The following CDH12 variants were observed in gnomAD, a reference collection of about 807,000 sequenced individuals.
The protein encoded by CDH12 is cadherin 12.
In CDH12, 41 loss-of-function variants were observed where a neutral mutation model predicts 74.1. The observed-to-expected ratio is 0.55, with a 90% confidence interval of 0.43 to 0.72. The LOEUF (loss-of-function observed/expected upper bound fraction) is 0.72. Ranked by LOEUF, CDH12 falls within the 30% of genes least tolerant of loss-of-function variation. The probability of loss-of-function intolerance (pLI) is 0.00; values close to 1 mark genes in which losing one functional copy is unlikely to be tolerated. For missense variants in CDH12, 945 were observed against 977.2 expected, an observed-to-expected ratio of 0.97 and a Z score of 0.44; for synonymous variants, 399 against 355.0, an observed-to-expected ratio of 1.12 and a Z score of -1.39.
intron 8 of CDH12, among the ~76,000 whole-genome samples, chr5:21,818,243 T>C (rs1748170754): frequency 7.4e-6 from 1 of 135,468 alleles, no homozygotes; most frequent in Admixed American, 8.0e-5. Flanking sequence ...ACCATGGTGA[T>C]TCATTCGTTT....
chr5:22,674,402 G>A (rs906986551), intron 1 of CDH12, among the ~76,000 whole-genome samples: 8 of 152,150 alleles, frequency 5.3e-5, no homozygotes, highest in African/African-American at 1.9e-4. Flanking sequence ...CCATGATTGT[G>A]AGGCCTCCTC....
At chr5:21,862,566 T>A (rs577903552) in intron 6 of CDH12, among the ~76,000 whole-genome samples, 83 of 152,280 alleles carry the variant, frequency 5.5e-4, no homozygotes, top group African/African-American at 2.0e-3. Flanking sequence ...CTTCTTTCAA[T>A]CAATAAGTAT....
intron 3 of CDH12, among the ~76,000 whole-genome samples, chr5:22,285,122 C>T (rs1737078452): frequency 6.6e-6 from 1 of 152,044 alleles, no homozygotes; most frequent in Non-Finnish European, 1.5e-5. Flanking sequence ...TTAGTCTTTA[C>T]TCAAAGTGGG....
chr5:22,576,629 C>T (rs1407008448), intron 1 of CDH12, among the ~76,000 whole-genome samples: 1 of 152,084 alleles, frequency 6.6e-6, no homozygotes, highest in Non-Finnish European at 1.5e-5. Context: ...TAAGCAAATT[C>T]CTGAAGGCCA....
intron 6 of CDH12, among the ~76,000 whole-genome samples, chr5:21,869,458 TATC>T: frequency 6.6e-6 from 1 of 152,156 alleles, no homozygotes; most frequent in East Asian, 1.9e-4. Context: ...GAAGACTAAT[TATC>T]ATAAGTATTT....
Position 21,962,771 on chromosome 5 carries a change from C to G in CDH12, c.526+12320G>C, listed in dbSNP as rs559353707. Reference sequence around the variant, plus strand: ...TTTGTTCTTAAATATAGGACATAGTCTTTACTGAAAGAAATAGTCCTTGTT... The same window carrying G: ...TTTGTTCTTAAATATAGGACATAGTGTTTACTGAAAGAAATAGTCCTTGTT... On this transcript the variant is annotated intron_variant, in intron 6 of 14. Transcript: ENST00000382254. Among the ~76,000 whole-genome samples the G allele has an allele frequency of 4.6e-5, 7 of 152,214 alleles. No homozygotes were observed. In the South Asian group the frequency reaches 1.2e-3, roughly 27 times the overall value.
intron 2 of CDH12, among the ~76,000 whole-genome samples, chr5:22,429,744 T>C (rs1744088547): frequency 6.6e-6 from 1 of 152,190 alleles, no homozygotes; most frequent in Non-Finnish European, 1.5e-5. Flanking sequence ...GTTATTCCTA[T>C]CACAGTCTGT....
chr5:22,630,592 C>T (rs948989145), intron 1 of CDH12, among the ~76,000 whole-genome samples: 1 of 152,054 alleles, frequency 6.6e-6, no homozygotes, highest in Non-Finnish European at 1.5e-5. Flanking sequence ...TAGCTATATG[C>T]AGAAGATTGA....
At chr5:22,078,410 C>A in intron 5 of CDH12, 36 bp downstream of exon 5, 1 of 1,582,402 alleles carries the variant, frequency 6.3e-7, no homozygotes, top group Non-Finnish European at 8.7e-7. Flanking sequence ...ATTCCCCCTT[C>A]CTATCAAGCG....
At chr5:21,919,440 C>T (rs76855777) in intron 6 of CDH12, among the ~76,000 whole-genome samples, 4,593 of 152,078 alleles carry the variant, frequency 0.03, 114 homozygotes, top group African/African-American at 0.054. Context: ...ACACAAAACC[C>T]AACATGTTAA....
intron 1 of CDH12, among the ~76,000 whole-genome samples, chr5:22,742,140 C>A (rs1303631396): frequency 6.6e-6 from 1 of 151,210 alleles, no homozygotes; most frequent in Non-Finnish European, 1.5e-5. Flanking sequence ...TGAGATTGTG[C>A]CACTGTACTC....
chr5:22,671,932 T>C lies in CDH12; in HGVS notation c.-522-166568A>G, dbSNP rs537457355. ...CTGCTTTGTTTTAATTTTGCCAGAATCATTACCTCAGTCACCTTTAAAGGC... is the reference window on the plus strand; with the variant it reads ...CTGCTTTGTTTTAATTTTGCCAGAACCATTACCTCAGTCACCTTTAAAGGC... On this transcript the variant is annotated intron_variant, in intron 1 of 14. Transcript: ENST00000382254. 2.0e-5 allele frequency among the ~76,000 whole-genome samples: 3 copies of C among 149,964 alleles called. No homozygotes were observed. The South Asian group carries it at 6.3e-4, about 31-fold the overall frequency.
intron 5 of CDH12, among the ~76,000 whole-genome samples, chr5:22,051,420 A>G (rs1053139625): frequency 6.6e-6 from 1 of 152,202 alleles, no homozygotes; most frequent in Admixed American, 6.6e-5. Context: ...TAACATATGT[A>G]ACATGATATA....
intron 5 of CDH12, among the ~76,000 whole-genome samples, chr5:22,050,985 T>C (rs1740316729): frequency 6.6e-6 from 1 of 152,180 alleles, no homozygotes; most frequent in Admixed American, 6.6e-5. Context: ...TGGTTAAAAA[T>C]GTAGATTCCC....
At chr5:22,288,791 T>C (rs781687444) in intron 3 of CDH12, among the ~76,000 whole-genome samples, 1 of 152,164 alleles carries the variant, frequency 6.6e-6, no homozygotes, top group Non-Finnish European at 1.5e-5. Context: ...ATGTCTGGTA[T>C]TAATAGACTT....
At chr5:22,132,410 T>C (rs1216886075) in intron 4 of CDH12, among the ~76,000 whole-genome samples, 1 of 152,016 alleles carries the variant, frequency 6.6e-6, no homozygotes, top group African/African-American at 2.4e-5. Flanking sequence ...TTTGTCTTTT[T>C]CCATTAGATA....
intron 1 of CDH12, among the ~76,000 whole-genome samples, chr5:22,638,279 C>T (rs1006778012): frequency 6.6e-6 from 1 of 152,162 alleles, no homozygotes; most frequent in African/African-American, 2.4e-5. Context: ...GGCAGCATCC[C>T]AAAACCTCAA....
intron 1 of CDH12, among the ~76,000 whole-genome samples, chr5:22,672,825 A>G (rs1397051387): frequency 4.6e-5 from 7 of 152,172 alleles, no homozygotes; most frequent in African/African-American, 1.4e-4. Flanking sequence ...TCTCTTATTG[A>G]AATACAATGT....
At chr5:22,230,090 A>T (rs978580421) in intron 3 of CDH12, among the ~76,000 whole-genome samples, 1 of 152,176 alleles carries the variant, frequency 6.6e-6, no homozygotes, top group Non-Finnish European at 1.5e-5. Flanking sequence ...AAAAATACAT[A>T]GTTCAACAGC....
Sources: allele counts gnomAD v4.1 joint callset (sites outside exome capture counted in the v4.1 genomes callset), GRCh38; gene constraint gnomAD v4.1.1; transcripts MANE v1.5; gene names NCBI Gene and HGNC (gene_info 2026-07-23, HGNC 2026-07-21).